Variants in UBE2E2 observed in about 807,000 individuals in gnomAD.
UBE2E2 encodes ubiquitin-conjugating enzyme E2 E2.
In UBE2E2, 6 loss-of-function variants were observed where a neutral mutation model predicts 24.7. The ratio of observed to expected loss-of-function variants is 0.24; its 90% confidence interval spans 0.13 to 0.48. The LOEUF is 0.48. Among genes scored for constraint, UBE2E2 ranks in the 20% least tolerant of loss-of-function variants. The pLI, the probability that UBE2E2 is intolerant of heterozygous loss-of-function variation, is 0.99. For missense variants in UBE2E2, 169 were observed against 245.0 expected (o/e 0.69, Z 2.07); for synonymous variants, 104 against 83.6 (o/e 1.24, Z -1.33).
chr3:23,353,621 G>A (rs1304665557), intron 3 of UBE2E2, among the ~76,000 whole-genome samples: 4 of 152,222 alleles, frequency 2.6e-5, no homozygotes, highest in African/African-American at 9.6e-5. Flanking sequence ...AATCATGAGT[G>A]AACTCCCATT....
intron 4 of UBE2E2, among the ~76,000 whole-genome samples, chr3:23,521,273 A>G (rs1411867214): frequency 1.3e-5 from 2 of 152,200 alleles, no homozygotes; most frequent in African/African-American, 4.8e-5. Flanking sequence ...GAAAAGGAGG[A>G]CATTCTCCTT....
intron 3 of UBE2E2, among the ~76,000 whole-genome samples, chr3:23,286,486 C>G (rs151336924): frequency 6.6e-6 from 1 of 152,146 alleles, no homozygotes; most frequent in African/African-American, 2.4e-5. Flanking sequence ...TCTGGATTCT[C>G]TATTTTGTTT....
chr3:23,551,211 AAG>A (rs373474050), intron 5 of UBE2E2, among the ~76,000 whole-genome samples: 133 of 152,346 alleles, frequency 8.7e-4, no homozygotes, highest in African/African-American at 2.9e-3. Context: ...AAGGCAAGAA[AAG>A]AGAATTCATA....
At chr3:23,354,773 T>G (rs1420191003) in intron 3 of UBE2E2, among the ~76,000 whole-genome samples, 1 of 152,218 alleles carries the variant, frequency 6.6e-6, no homozygotes, top group Non-Finnish European at 1.5e-5. Flanking sequence ...ACTTTTACAC[T>G]GTTGGTGGGA....
chr3:23,426,543 A>C lies in UBE2E2; in HGVS notation c.228-73065A>C, dbSNP rs111999494. On this transcript the variant is annotated intron_variant, in intron 3 of 5. Coordinates refer to ENST00000396703, the MANE Select transcript of UBE2E2 (RefSeq NM_152653.4). The stretch of plus-strand genomic sequence containing the variant: ...GACCTGACTTAGAGAATTATATCCA[A>C]CATTTCCTCAGAAACCATGCACACA... Among the ~76,000 whole-genome samples the C allele has an allele frequency of 6.5e-3, 997 of 152,282 alleles. 14 individuals carry two copies. The highest frequency in any genetic ancestry group is 0.023 in the African/African-American group (950 of 41,552).
chr3:23,387,150 C>G (rs1460254358), intron 3 of UBE2E2, among the ~76,000 whole-genome samples: 2 of 152,154 alleles, frequency 1.3e-5, no homozygotes, highest in African/African-American at 4.8e-5. Flanking sequence ...ATTAGCAGTA[C>G]TTGTTTCTGG....
intron 3 of UBE2E2, among the ~76,000 whole-genome samples, chr3:23,410,163 A>C (rs1394696907): frequency 1.3e-5 from 2 of 151,704 alleles, no homozygotes; most frequent in Non-Finnish European, 1.5e-5. Flanking sequence ...TGGTTTTGGT[A>C]TAATACTATT....
At chr3:23,213,789 A>G (rs1696392271) in intron 2 of UBE2E2, among the ~76,000 whole-genome samples, 1 of 152,212 alleles carries the variant, frequency 6.6e-6, no homozygotes, top group Non-Finnish European at 1.5e-5. Context: ...GGGACTGATA[A>G]AACAGATACT....
chr3:23,380,551 T>C (rs1696643662), intron 3 of UBE2E2, among the ~76,000 whole-genome samples: 1 of 152,190 alleles, frequency 6.6e-6, no homozygotes, highest in African/African-American at 2.4e-5. Flanking sequence ...CAGGCCTCCC[T>C]GCCCTATACC....
intron 3 of UBE2E2, among the ~76,000 whole-genome samples, chr3:23,353,557 T>C (rs1695831229): frequency 1.3e-5 from 2 of 152,188 alleles, no homozygotes; most frequent in South Asian, 4.1e-4. Flanking sequence ...ACAAAATCAA[T>C]GTACAAAAAT....
At chr3:23,333,280 G>T (rs1695117027) in intron 3 of UBE2E2, among the ~76,000 whole-genome samples, 1 of 152,170 alleles carries the variant, frequency 6.6e-6, no homozygotes, top group South Asian at 2.1e-4. Context: ...TTCATACCCA[G>T]TGTTCATCAA....
intron 3 of UBE2E2, among the ~76,000 whole-genome samples, chr3:23,249,159 T>C: frequency 6.6e-6 from 1 of 151,704 alleles, no homozygotes; most frequent in East Asian, 1.9e-4. Context: ...TAGTCCCAGC[T>C]ACTTGGGAGG....
At chr3:23,419,460 A>G (rs551686027) in intron 3 of UBE2E2, among the ~76,000 whole-genome samples, 38 of 152,288 alleles carry the variant, frequency 2.5e-4, no homozygotes, top group Non-Finnish European at 1.5e-5. Context: ...TCTCCCTAAG[A>G]TACAACACAA....
chr3:23,326,149 GC>G (rs1455418585), intron 3 of UBE2E2, among the ~76,000 whole-genome samples: 1 of 152,166 alleles, frequency 6.6e-6, no homozygotes, highest in Non-Finnish European at 1.5e-5. Flanking sequence ...TTGGCTCACT[GC>G]AACCTCCACC....
intron 3 of UBE2E2, among the ~76,000 whole-genome samples, chr3:23,493,044 G>T (rs987156902): frequency 6.6e-6 from 1 of 151,972 alleles, no homozygotes; most frequent in Non-Finnish European, 1.5e-5. Context: ...CTTAAGAAGG[G>T]ATTGAGGCAC....
intron 3 of UBE2E2, among the ~76,000 whole-genome samples, chr3:23,292,995 C>T (rs1012111247): frequency 1.3e-5 from 2 of 152,180 alleles, no homozygotes; most frequent in African/African-American, 2.4e-5. Flanking sequence ...ATCGCTTGAA[C>T]CTGGGAGGTG....
intron 3 of UBE2E2, among the ~76,000 whole-genome samples, chr3:23,473,119 A>G (rs1699061888): frequency 2.0e-5 from 3 of 152,086 alleles, no homozygotes; most frequent in African/African-American, 7.3e-5. Context: ...TTTAAATGGA[A>G]GAAGACAGGG....
chr3:23,355,578 C>T (rs953558838), intron 3 of UBE2E2, among the ~76,000 whole-genome samples: 1 of 152,166 alleles, frequency 6.6e-6, no homozygotes, highest in African/African-American at 2.4e-5. Context: ...GAAATAGCGA[C>T]TTGTAACTAG....
In UBE2E2 at chr3:23,276,645, A is replaced by G. The variant is rs182858126; in HGVS notation, c.227+59333A>G. On this transcript the variant is annotated intron_variant, in intron 3 of 5. Coordinates refer to ENST00000396703, the MANE Select transcript of UBE2E2 (RefSeq NM_152653.4). ...TGTACTTAGAATTAAGCTTGAGTGC[A>G]GCAAATGTATAAAATCACAAGTAGA... Among the ~76,000 whole-genome samples, 935 of 152,268 alleles carry G rather than the reference A, an allele frequency of 6.1e-3. 13 individuals carry two copies. The highest frequency in any genetic ancestry group is 0.021 in the African/African-American group (867 of 41,566).
Sources: gnomAD v4.1 joint callset for allele counts (sites outside exome capture counted in the v4.1 genomes callset) on GRCh38, gnomAD v4.1.1 for gene constraint, MANE v1.5 for transcripts, NCBI Gene and HGNC (gene_info 2026-07-23, HGNC 2026-07-21) for gene names.